IPO11: variants seen among roughly 807,000 people sequenced by gnomAD.
IPO11 encodes the protein importin 11.
In IPO11, 66 loss-of-function variants were observed where a neutral mutation model predicts 143.2. That is an observed-to-expected ratio of 0.46 (90% CI 0.38 to 0.57). The LOEUF (loss-of-function observed/expected upper bound fraction) is 0.57. Ranked by LOEUF, IPO11 falls within the 20% of genes least tolerant of loss-of-function variation. IPO11 has a pLI of 0.00. For missense variants in IPO11, 1,026 were observed against 1,141.0 expected, an observed-to-expected ratio of 0.90 and a Z score of 1.45; for synonymous variants, 385 against 377.8, an observed-to-expected ratio of 1.02 and a Z score of -0.22.
Position 62,494,071 on chromosome 5 carries a change from A to G in IPO11, c.1537A>G (p.Arg513Gly). ...TTCTGTGAAATTCAAGTCTGACTTA[A>G]GACCCATGCTTTATGAAGCAATCTG... ...WISVKFKSDL[R>G]PMLYEAICNL... The change falls in exon 16 of 30, where the codon AGA (arginine) becomes GGA (glycine). Residue 513 changes from arginine to glycine, a missense_variant. Physicochemically the swap from Arg to Gly is moderately radical, Grantham distance 125. Transcript: ENST00000325324. 2 of 1,613,524 alleles carry G rather than the reference A, an allele frequency of 1.2e-6. No homozygotes were observed. The highest frequency in any genetic ancestry group is 1.7e-6 in the Non-Finnish European group (2 of 1,179,648).
At chr5:62,518,361 T>G (rs890004351) in intron 20 of IPO11, among the ~76,000 whole-genome samples, 2 of 151,932 alleles carry the variant, frequency 1.3e-5, no homozygotes, top group African/African-American at 4.8e-5. Flanking sequence ...GGAGAATCGC[T>G]TGAACCTGAG....
chr5:62,428,627 C>A (rs1346428103), intron 1 of IPO11, among the ~76,000 whole-genome samples: 1 of 152,092 alleles, frequency 6.6e-6, no homozygotes, highest in African/African-American at 2.4e-5. Flanking sequence ...CAAGCGTGAG[C>A]CCCCGCGCCT....
chr5:62,602,991 T>C (rs1006459672), intron 29 of IPO11, among the ~76,000 whole-genome samples: 10 of 152,184 alleles, frequency 6.6e-5, no homozygotes, highest in Admixed American at 6.5e-4. Flanking sequence ...ATTACTTTTC[T>C]TCCCCCAAAA....
chr5:62,606,962 A>G (rs1745741538), intron 29 of IPO11, among the ~76,000 whole-genome samples: 1 of 152,200 alleles, frequency 6.6e-6, no homozygotes, highest in Non-Finnish European at 1.5e-5. Context: ...AAATATAACA[A>G]ATCCTGAGCA....
At chr5:62,603,710 A>C (rs1227179856) in intron 29 of IPO11, among the ~76,000 whole-genome samples, 2 of 152,244 alleles carry the variant, frequency 1.3e-5, no homozygotes, top group African/African-American at 4.8e-5. Flanking sequence ...TCACGCAGAC[A>C]TGGAGAGAAC....
intron 1 of IPO11, among the ~76,000 whole-genome samples, chr5:62,417,104 A>G (rs918512268): frequency 8.7e-5 from 13 of 149,222 alleles, no homozygotes; most frequent in African/African-American, 1.5e-4. Flanking sequence ...AGCTTTATCT[A>G]TAATTATTTT....
chr5:62,448,499 C>T (rs1744796705), intron 3 of IPO11, among the ~76,000 whole-genome samples: 1 of 152,160 alleles, frequency 6.6e-6, no homozygotes, highest in Non-Finnish European at 1.5e-5. Context: ...GTGATTATAA[C>T]ATGGACCCTT....
chr5:62,546,280 G>T (rs1269760624), intron 24 of IPO11, among the ~76,000 whole-genome samples: 1 of 152,138 alleles, frequency 6.6e-6, no homozygotes, highest in Non-Finnish European at 1.5e-5. Context: ...AAAAAATGAT[G>T]AGTTTATGTC....
chr5:62,442,066 G>A (rs540127622), intron 2 of IPO11, among the ~76,000 whole-genome samples: 2 of 151,780 alleles, frequency 1.3e-5, no homozygotes, highest in African/African-American at 2.4e-5. Flanking sequence ...GGATAGTCTC[G>A]ATCTCCTGAC....
Position 62,526,962 on chromosome 5 carries a change from C to T in IPO11, c.2012+705C>T, listed in dbSNP as rs182222670. Among the ~76,000 whole-genome samples, 5 of 152,306 alleles carry T rather than the reference C, an allele frequency of 3.3e-5. No individual in the cohort carries two copies. In the East Asian group the frequency reaches 5.8e-4, roughly 18 times the overall value. On this transcript the variant is annotated intron_variant, in intron 21 of 29. Transcript: ENST00000325324. Reference sequence around the variant, plus strand: ...GTAAAAGAAATGAACATTTGATTCTCTTCATCCCTCCCTCCCTCCCTTTGG... The same window carrying T: ...GTAAAAGAAATGAACATTTGATTCTTTTCATCCCTCCCTCCCTCCCTTTGG...
chr5:62,433,116 C>A (rs911842310), intron 1 of IPO11, among the ~76,000 whole-genome samples: 1 of 147,218 alleles, frequency 6.8e-6, no homozygotes, highest in Non-Finnish European at 1.5e-5. Context: ...CACTCTTCTT[C>A]GGTTTTTACT....
At chr5:62,508,748 C>G (rs1741649106) in intron 19 of IPO11, among the ~76,000 whole-genome samples, 1 of 152,058 alleles carries the variant, frequency 6.6e-6, no homozygotes, top group Admixed American at 6.6e-5. Context: ...ATCCCTCCCC[C>G]AGCCCCGCAC....
At chr5:62,522,532 G>A (rs528633280) in intron 20 of IPO11, among the ~76,000 whole-genome samples, 4 of 152,230 alleles carry the variant, frequency 2.6e-5, no homozygotes, top group African/African-American at 7.2e-5. Context: ...TGATCTGCCC[G>A]CCTTGACCTC....
At chr5:62,488,555 T>C (rs1303366458) in intron 13 of IPO11, among the ~76,000 whole-genome samples, 4 of 152,218 alleles carry the variant, frequency 2.6e-5, no homozygotes, top group Admixed American at 6.5e-5. Flanking sequence ...GATAGAGATA[T>C]ACTTTCGGAG....
At chr5:62,499,390 C>T (rs1158927757) in intron 16 of IPO11, among the ~76,000 whole-genome samples, 3 of 152,108 alleles carry the variant, frequency 2.0e-5, no homozygotes, top group Non-Finnish European at 4.4e-5. Context: ...ACTTGAATAG[C>T]GCTTGCAGGC....
intron 1 of IPO11, among the ~76,000 whole-genome samples, chr5:62,418,052 G>A (rs1261925999): frequency 6.6e-6 from 1 of 152,112 alleles, no homozygotes; most frequent in Non-Finnish European, 1.5e-5. Flanking sequence ...GTGCAATGGT[G>A]CAATCTCGTC....
chr5:62,435,613 C>T (rs1237807204), intron 1 of IPO11, among the ~76,000 whole-genome samples: 3 of 150,122 alleles, frequency 2.0e-5, no homozygotes, highest in East Asian at 2.0e-4. Context: ...TGGTGGCTCG[C>T]GCCTGTAATC....
chr5:62,512,383 T>A, intron 19 of IPO11: 3 of 1,303,010 alleles, frequency 2.3e-6, no homozygotes, highest in Non-Finnish European at 2.2e-6. Flanking sequence ...AGATGGGTTT[T>A]AGGGACCAGC....
chr5:62,501,011 A>G (rs1304916465), intron 16 of IPO11, among the ~76,000 whole-genome samples: 1 of 152,192 alleles, frequency 6.6e-6, no homozygotes, highest in Non-Finnish European at 1.5e-5. Context: ...ATTGTATTGA[A>G]TTTTCTAAAA....
Sources: gnomAD v4.1 joint callset for allele counts (sites outside exome capture counted in the v4.1 genomes callset) on GRCh38, gnomAD v4.1.1 for gene constraint, MANE v1.5 for transcripts, NCBI Gene and HGNC (gene_info 2026-07-23, HGNC 2026-07-21) for gene names.